Variants in EDEM3 observed in about 807,000 individuals in gnomAD.
EDEM3 encodes ER degradation enhancing alpha-mannosidase like protein 3, also known as ER degradation-enhancing alpha-mannosidase-like protein 3.
In EDEM3, 60 loss-of-function variants were observed where a neutral mutation model predicts 110.2. The ratio of observed to expected loss-of-function variants is 0.54; its 90% confidence interval spans 0.44 to 0.67. The LOEUF (loss-of-function observed/expected upper bound fraction) is 0.67. Among genes scored for constraint, EDEM3 ranks in the 30% least tolerant of loss-of-function variants. The probability of loss-of-function intolerance (pLI) is 0.00; values close to 1 mark genes in which losing one functional copy is unlikely to be tolerated. For missense variants in EDEM3, 996 were observed against 1,121.0 expected, an observed-to-expected ratio of 0.89 and a Z score of 1.59; for synonymous variants, 352 against 382.9, an observed-to-expected ratio of 0.92 and a Z score of 0.94.
chr1:184,749,792 G>A (rs892236597), intron 1 of EDEM3, among the ~76,000 whole-genome samples, 200 bp from the exon 2 acceptor site: 2 of 152,032 alleles, frequency 1.3e-5, no homozygotes, highest in African/African-American at 4.8e-5. Flanking sequence ...ACCACACAGA[G>A]CTGAGCCAAA....
chr1:184,716,544 T>C (rs1289050918), intron 13 of EDEM3, among the ~76,000 whole-genome samples: 1 of 152,182 alleles, frequency 6.6e-6, no homozygotes, highest in Admixed American at 6.5e-5. Context: ...ATCTTGGTAA[T>C]TTCTAATGTC....
At chr1:184,701,847 C>G (rs1223240692) in intron 19 of EDEM3, among the ~76,000 whole-genome samples, 1 of 151,964 alleles carries the variant, frequency 6.6e-6, no homozygotes, top group Non-Finnish European at 1.5e-5. Flanking sequence ...TAAAGCAATA[C>G]AAGAAGACAA....
In EDEM3 at chr1:184,754,802, C is replaced by T. The variant is rs1196788279; in HGVS notation, c.-156G>A. 8.1e-7 allele frequency: 1 copy of T among 1,233,318 alleles called. No individual in the cohort carries two copies. Among genetic ancestry groups the T allele is most frequent in the South Asian group, 1.7e-5 (1 of 58,526 alleles). The allele number at this position is 1,233,318 out of a possible 1,614,324, so 76.4% of individuals were successfully genotyped here. On this transcript the variant is annotated 5_prime_UTR_variant, in exon 1 of 20. Coordinates refer to ENST00000318130, the MANE Select transcript of EDEM3 (RefSeq NM_025191.4). ...GCGCCAAACTGTTTCCCGAAGCCAC[C>T]AAGCCGGTCCCCAGCGCCAGCGCTG... is the stretch of plus-strand genomic sequence containing the variant.
chr1:184,702,324 A>G (rs1324021860), intron 19 of EDEM3, among the ~76,000 whole-genome samples: 1 of 152,182 alleles, frequency 6.6e-6, no homozygotes, highest in Non-Finnish European at 1.5e-5. Flanking sequence ...CTTAGATCTC[A>G]TTGGGAAGAA....
rs761843077 is a variant in EDEM3 at position 184,706,604 on chromosome 1, T to C, written c.2203+39A>G. 3.4e-6 allele frequency: 5 copies of C among 1,452,850 alleles called. No individual in the cohort carries two copies. In the African/African-American group the frequency reaches 7.1e-5, roughly 21 times the overall value. The allele number at this position is 1,452,850 out of a possible 1,614,324, so 90.0% of individuals were successfully genotyped here. A position where few individuals can be genotyped will look rare whatever the true frequency, so the allele number is the denominator to read the frequency against. ...AAGGGAAAAAATCCTAAAAATTATCTCCCCTTCAGTCAACACAATGACATG... is the reference window on the plus strand; with the variant it reads ...AAGGGAAAAAATCCTAAAAATTATCCCCCCTTCAGTCAACACAATGACATG... On this transcript the variant is annotated intron_variant, in intron 18 of 19. Coordinates refer to ENST00000318130, the MANE Select transcript of EDEM3 (RefSeq NM_025191.4).
rs200681884 is a variant in EDEM3, at chr1:184,751,575, T to TCTGA, written c.159-1984_159-1983insTCAG. On this transcript the variant is annotated intron_variant, in intron 1 of 19. Transcript: ENST00000318130. ...AAGTGGAGCTATTTAATATCATTGCTCTTACACATAGAAGCCTAACAAAGT... is the reference window on the plus strand; with the variant it reads ...AAGTGGAGCTATTTAATATCATTGCTCTGACTTACACATAGAAGCCTAACAAAGT... Among the ~76,000 whole-genome samples, 434 of 152,348 alleles carry TCTGA rather than the reference T, an allele frequency of 2.8e-3. 5 individuals carry two copies. In the East Asian group the frequency reaches 0.036, roughly 13 times the overall value.
At chr1:184,749,615 G>GAA in intron 1 of EDEM3, 23 bp from the exon 2 acceptor site, 2 of 1,086,198 alleles carry the variant, frequency 1.8e-6, no homozygotes, top group East Asian at 6.8e-5. Context: ...GAGCAGAAAT[G>GAA]GAAAAAAAAA....
chr1:184,748,983 G>A (rs573145117), intron 2 of EDEM3, among the ~76,000 whole-genome samples: 6 of 152,070 alleles, frequency 3.9e-5, no homozygotes, highest in East Asian at 3.8e-4. Context: ...TTTCATCTAC[G>A]TTGTTGCACA....
chr1:184,729,607 A>T (rs1651385977), intron 6 of EDEM3, among the ~76,000 whole-genome samples: 1 of 152,226 alleles, frequency 6.6e-6, no homozygotes, highest in Admixed American at 6.5e-5. Flanking sequence ...TAATGCAAAT[A>T]CTATCAATTA....
chr1:184,725,921 CA>C (rs1433703291), intron 7 of EDEM3, among the ~76,000 whole-genome samples: 1 of 151,966 alleles, frequency 6.6e-6, no homozygotes, highest in Non-Finnish European at 1.5e-5. Flanking sequence ...GGAAGTCTAA[CA>C]AATAAAACAC....
Position 184,710,416 on chromosome 1 carries a change from T to C in EDEM3, c.1823A>G (p.Gln608Arg). ...TACTTGGATTGCATGTTGGACCAAC[T>C]GGACTCTCCCATCTTTGAGGTGAAT... ...SLIHLKDGRV[Q>R]LVQHAIQAAS... is the part of the protein sequence containing the mutation. The change falls in exon 16 of 20, where the codon CAG becomes CGG. Residue 608 changes from glutamine (Q) to arginine (R), a missense_variant. Transcript: ENST00000318130. 6.2e-7 allele frequency: 1 copy of C among 1,613,958 alleles called. No individual in the cohort carries two copies. Among genetic ancestry groups the C allele is most frequent in the Non-Finnish European group, 8.5e-7 (1 of 1,179,890 alleles).
At chr1:184,730,879 C>T (rs1451004698) in intron 6 of EDEM3, among the ~76,000 whole-genome samples, 1 of 147,340 alleles carries the variant, frequency 6.8e-6, no homozygotes, top group African/African-American at 2.5e-5. Flanking sequence ...AAAAAAAAAA[C>T]TTAGAGACTC....
intron 18 of EDEM3, among the ~76,000 whole-genome samples, chr1:184,704,907 A>T (rs560273891): frequency 6.6e-4 from 100 of 151,192 alleles, no homozygotes; most frequent in African/African-American, 2.3e-3. Context: ...AAAAGAAAAA[A>T]ATATATATAA....
intron 16 of EDEM3, among the ~76,000 whole-genome samples, chr1:184,709,636 A>G (rs180845437): frequency 1.3e-5 from 2 of 152,352 alleles, no homozygotes; most frequent in Admixed American, 1.3e-4. Context: ...AGTAAGTAAA[A>G]GCAATGTCAC....
Position 184,723,804 on chromosome 1 carries a change from C to G in EDEM3, c.800G>C (p.Ser267Thr). Residue 267 changes from serine to threonine, a missense_variant, in exon 8 of 20, where the codon AGT (serine) becomes ACT (threonine). Physicochemically the swap from Ser to Thr is moderately conservative, Grantham distance 58. Around this residue, in one of 5 missense-constraint regions of EDEM3, gnomAD observed 310 missense variants for 394.6 expected, o/e 0.79. Transcript: ENST00000318130. ...ATTTATAGTCACGCCCACTAAATTACTACTTCGCTGTCTTTTTTCCCAGAG... is the reference window on the plus strand; with the variant it reads ...ATTTATAGTCACGCCCACTAAATTAGTACTTCGCTGTCTTTTTTCCCAGAG... ...DFLWEKRQRSSNLVGVTINIH... is the reference protein window; with the variant it reads ...DFLWEKRQRSTNLVGVTINIH... 1 of 1,590,346 alleles carries G rather than the reference C, an allele frequency of 6.3e-7. No homozygotes were observed.
chr1:184,710,318 C>A, intron 16 of EDEM3, 76 bp downstream of exon 16: 1 of 1,503,620 alleles, frequency 6.7e-7, no homozygotes. Flanking sequence ...AGTTGAAATC[C>A]ATTATCTTAT....
At chr1:184,752,956 TATCAATG>T (rs1652846212) in intron 1 of EDEM3, among the ~76,000 whole-genome samples, 1 of 152,242 alleles carries the variant, frequency 6.6e-6, no homozygotes, top group Admixed American at 6.5e-5. Context: ...TGGTAAAACT[TATCAATG>T]ATACATTAAA....
At chr1:184,715,136 G>A (rs1650474386) in intron 13 of EDEM3, among the ~76,000 whole-genome samples, 1 of 152,054 alleles carries the variant, frequency 6.6e-6, no homozygotes, top group African/African-American at 2.4e-5. Context: ...CAGTTATGGT[G>A]CTGTGTGCCA....
Position 184,710,528 on chromosome 1 carries a change from C to G in EDEM3, c.1711G>C (p.Gly571Arg). ...CTGGCTCTCAGAGGGGGTTTAGCTC[C>G]ACTCCTGAAACTCTCCTCTCTGCTA... Reference protein sequence around the residue: ...IIRVEESFRSGAKPPLRARDF... With the variant: ...IIRVEESFRSRAKPPLRARDF... The change falls in exon 16 of 20, where the codon GGA (glycine) becomes CGA (arginine). Residue 571 changes from glycine (G) to arginine (R), a missense_variant. By Grantham distance (125) the Gly-to-Arg change is moderately radical. This residue lies in a region of EDEM3 where 138 missense variants were observed against 124.3 expected (regional missense o/e 1.11). Transcript: ENST00000318130. The G allele has an allele frequency of 6.2e-7, 1 of 1,612,452 alleles. No homozygotes were observed. Among genetic ancestry groups the G allele is most frequent in the Non-Finnish European group, 8.5e-7 (1 of 1,179,120 alleles).
Sources: allele counts gnomAD v4.1 joint callset (sites outside exome capture counted in the v4.1 genomes callset), GRCh38; gene constraint gnomAD v4.1.1; regional missense constraint gnomAD v4.1.1; transcripts MANE v1.5; gene names NCBI Gene and HGNC (gene_info 2026-07-23, HGNC 2026-07-21).